JAK3: variants seen among roughly 807,000 people sequenced by gnomAD.
The protein encoded by JAK3 is tyrosine-protein kinase JAK3.
In JAK3, 88 loss-of-function variants were observed where a neutral mutation model predicts 120.8. That is an observed-to-expected ratio of 0.73 (90% CI 0.61 to 0.87). The LOEUF is 0.87. JAK3 is among the 40% of genes least tolerant of loss of function. JAK3 has a pLI of 0.00. For missense variants in JAK3, 1,254 were observed against 1,501.4 expected (o/e 0.84, Z 2.72); for synonymous variants, 592 against 628.6 (o/e 0.94, Z 0.87).
chr19:17,835,858 T>C, intron 14 of JAK3, 66 bp downstream of exon 14: 6 of 1,603,664 alleles, frequency 3.7e-6, no homozygotes, highest in Non-Finnish European at 4.2e-6. Flanking sequence ...CCACTCCCAA[T>C]TCCTCTTCCA....
intron 17 of JAK3, 74 bp downstream of exon 17, chr19:17,834,497 T>C: frequency 6.3e-7 from 1 of 1,579,560 alleles, no homozygotes; most frequent in South Asian, 1.1e-5. Context: ...CGTGGCCTGC[T>C]GCAAACCACG....
In JAK3 at chr19:17,842,751, G is replaced by T; in HGVS notation, c.567-141C>A. The T allele has an allele frequency of 8.2e-6, 8 of 976,480 alleles. No individual in the cohort carries two copies. The highest frequency in any genetic ancestry group is 1.2e-5 in the Non-Finnish European group (8 of 674,322). 60.5% of individuals were successfully genotyped at this position (976,480 alleles called of 1,614,324 possible). A position where few individuals can be genotyped will look rare whatever the true frequency, so the allele number is the denominator to read the frequency against. ...CAGGCACACACAGACTCTCATTCAG[G>T]GTCAGGTATGAGGACCGGACCTCAG... On this transcript the variant is annotated intron_variant, in intron 5 of 23. Coordinates refer to ENST00000458235, the MANE Select transcript of JAK3 (RefSeq NM_000215.4). The surrounding 1 kb of genome is among the most constrained non-coding windows in gnomAD (Gnocchi z 6.4).
chr19:17,830,073 G>T, intron 23 of JAK3, 35 bp downstream of exon 23: 1 of 1,490,916 alleles, frequency 6.7e-7, no homozygotes, highest in Non-Finnish European at 9.2e-7. Flanking sequence ...CCAATCTACA[G>T]ACTGGGAAAC....
At chr19:17,827,439 C>A (rs1270398680) in intron 23 of JAK3, among the ~76,000 whole-genome samples, 1 of 151,692 alleles carries the variant, frequency 6.6e-6, no homozygotes. Context: ...ACCCTGCCTC[C>A]TGGGTTCAAG....
At chr19:17,844,085 G>C (rs1246809474) in intron 2 of JAK3, 149 bp downstream of exon 2, 2 of 1,143,924 alleles carry the variant, frequency 1.7e-6, no homozygotes, top group Non-Finnish European at 2.5e-6. Context: ...AGCCAACCCT[G>C]CACACCCTTC....
Position 17,843,378 on chromosome 19 carries a change from A to G in JAK3, c.420+2T>C. On this transcript the variant is annotated splice_donor_variant, in intron 4 of 23. Coordinates refer to ENST00000458235, the MANE Select transcript of JAK3 (RefSeq NM_000215.4). LOFTEE classifies it high-confidence loss of function. The surrounding 1 kb of genome is among the most constrained non-coding windows in gnomAD (Gnocchi z 5.4). ...TGGGTCAAACCCCAGGCAGAACCCCACCTGGGCAAAGAGGTGCTCCAGGAC... is the reference window on the plus strand; with the variant it reads ...TGGGTCAAACCCCAGGCAGAACCCCGCCTGGGCAAAGAGGTGCTCCAGGAC... The G allele has an allele frequency of 6.3e-7, 1 of 1,581,104 alleles. No homozygotes were observed. The highest frequency in any genetic ancestry group is 8.6e-7 in the Non-Finnish European group (1 of 1,161,626).
Position 17,841,788 on chromosome 19 carries a change from T to G in JAK3, c.862-26A>C, listed in dbSNP as rs2147695765. ...CTGGGAAGGAGGGGGAGTACCGAAG[T>G]GGGGGCCCAGCTGGACCCCGCCAAA... On this transcript the variant is annotated intron_variant, in intron 6 of 23. Coordinates refer to ENST00000458235, the MANE Select transcript of JAK3 (RefSeq NM_000215.4). The surrounding 1 kb of genome is among the most constrained non-coding windows in gnomAD (Gnocchi z 4.1). 6.3e-7 allele frequency: 1 copy of G among 1,599,200 alleles called. No individual in the cohort carries two copies. Among genetic ancestry groups the G allele is most frequent in the Non-Finnish European group, 8.5e-7 (1 of 1,179,510 alleles).
rs2094201287 is a variant in JAK3 at position 17,824,837 on chromosome 19, C to T, written c.*1906G>A. The stretch of plus-strand genomic sequence containing the variant: ...AAACATTTCCAGAGCCCCCTCTGTA[C>T]TGAGGCCTCAGCCCAGCCCCCAAGG... On this transcript the variant is annotated 3_prime_UTR_variant, in exon 24 of 24. Transcript: ENST00000458235. 1.5e-5 allele frequency: 3 copies of T among 205,770 alleles called. No individual in the cohort carries two copies. Among genetic ancestry groups the T allele is most frequent in the South Asian group, 1.9e-4 (1 of 5,316 alleles). The allele number at this position is 205,770 out of a possible 1,614,324, so 12.7% of individuals were successfully genotyped here.
rs200641855 is a variant in JAK3, at chr19:17,835,205, C to G, written c.1925G>C (p.Gly642Ala). 7.4e-6 allele frequency: 12 copies of G among 1,613,946 alleles called. No individual in the cohort carries two copies. Among genetic ancestry groups the G allele is most frequent in the East Asian group, 2.2e-5 (1 of 44,884 alleles). ...AYALNYLEDK[G>A]LPHGNVSARK... ...GGCAGAGACATTGCCATGGGGCAGG[C>G]CTTTGTCCTCCTAAGGGGGCCAGAC... Residue 642 changes from glycine to alanine, a missense_variant, in exon 15 of 24, where the codon GGC (glycine) becomes GCC (alanine). Physicochemically the swap from Gly to Ala is moderately conservative, Grantham distance 60 (BLOSUM62 0). Coordinates refer to ENST00000458235, the MANE Select transcript of JAK3 (RefSeq NM_000215.4).
Position 17,842,411 on chromosome 19 carries a change from C to T in JAK3, c.766G>A (p.Val256Met). The T allele has an allele frequency of 1.3e-6, 2 of 1,585,634 alleles. No homozygotes were observed. Among genetic ancestry groups the T allele is most frequent in the Non-Finnish European group, 1.7e-6 (2 of 1,168,878 alleles). Reference protein sequence around the residue: ...DPAGAAETFHVGLPGALGGHD... With the variant: ...DPAGAAETFHMGLPGALGGHD... Reference sequence around the variant, plus strand: ...CCACCAAGGGCCCCAGGGAGGCCCACGTGGAAGGTCTCGGCGGCCCCGGCT... The same window carrying T: ...CCACCAAGGGCCCCAGGGAGGCCCATGTGGAAGGTCTCGGCGGCCCCGGCT... Residue 256 changes from valine to methionine, a missense_variant, in exon 6 of 24, where the codon GTG (valine) becomes ATG (methionine). By Grantham distance (21) the Val-to-Met change is conservative (BLOSUM62 1). Coordinates refer to ENST00000458235, the MANE Select transcript of JAK3 (RefSeq NM_000215.4). This position sits in a 1 kb window ranked among gnomAD's most constrained non-coding sequence, Gnocchi z 6.4.
In JAK3 at chr19:17,831,665, C is replaced by T; in HGVS notation, c.2805+9G>A. 6.2e-7 allele frequency: 1 copy of T among 1,604,760 alleles called. No homozygotes were observed. Among genetic ancestry groups the T allele is most frequent in the Non-Finnish European group, 8.5e-7 (1 of 1,176,638 alleles). ...GAATCCCCACAAGTCCCGGGGCGCC[C>T]CCTCGCACCTTGCAGATCTGCGAGG... On this transcript the variant is annotated intron_variant, in intron 20 of 23. Transcript: ENST00000458235. This position sits in a 1 kb window ranked among gnomAD's most constrained non-coding sequence, Gnocchi z 5.1.
chr19:17,838,415 A>G, intron 10 of JAK3, 25 bp from the exon 11 acceptor site: 1 of 1,614,094 alleles, frequency 6.2e-7, no homozygotes, highest in East Asian at 2.2e-5. Context: ...TGAGGGAGAA[A>G]AACCAGAAAT....
Position 17,832,370 on chromosome 19 carries a change from T to C in JAK3, c.2680+149A>G. 1 of 808,368 alleles carries C rather than the reference T, an allele frequency of 1.2e-6. No individual in the cohort carries two copies. Among genetic ancestry groups the C allele is most frequent in the Non-Finnish European group, 2.1e-6 (1 of 473,632 alleles). The allele number at this position is 808,368 out of a possible 1,614,324, so 50.1% of individuals were successfully genotyped here. On this transcript the variant is annotated intron_variant, in intron 19 of 23. Coordinates refer to ENST00000458235, the MANE Select transcript of JAK3 (RefSeq NM_000215.4). The surrounding 1 kb of genome is among the most constrained non-coding windows in gnomAD (Gnocchi z 4.7). ...TTAAGGTTTCACAACTGGTAAGGGG[T>C]AGAGTCAGGATTCAAACCTGTAACC...
chr19:17,842,981 G>T lies in JAK3; in HGVS notation c.566+46C>A. 6.2e-7 allele frequency: 1 copy of T among 1,605,070 alleles called. No individual in the cohort carries two copies. ...GCAAAGCCCCGATGGAGCCCACGTT[G>T]CTCACTCCCAAGCAGAGGCCGTCCC... On this transcript the variant is annotated intron_variant, in intron 5 of 23. Coordinates refer to ENST00000458235, the MANE Select transcript of JAK3 (RefSeq NM_000215.4). The surrounding 1 kb of genome is among the most constrained non-coding windows in gnomAD (Gnocchi z 6.4).
Position 17,830,180 on chromosome 19 carries a change from G to A in JAK3, c.3135C>T (p.Pro1045=), listed in dbSNP as rs966102873. ...GCAGTTCCAAGAGGCGGCAGAGGGCGGGGACATCCCGCTCACATCCCATCA... is the reference window on the plus strand; with the variant it reads ...GCAGTTCCAAGAGGCGGCAGAGGGCAGGGACATCCCGCTCACATCCCATCA... ...LRMMGCERDV[P]ALCRLLELLE... is the part of the protein sequence containing the mutation. Residue 1045 remains proline (P), a synonymous_variant, in exon 23 of 24, where the codon CCC becomes CCT. Transcript: ENST00000458235. The A allele has an allele frequency of 3.1e-6, 5 of 1,593,302 alleles. No homozygotes were observed. Among genetic ancestry groups the A allele is most frequent in the African/African-American group, 1.3e-5 (1 of 74,502 alleles).
chr19:17,829,711 A>C (rs1395526555), intron 23 of JAK3: 1 of 339,756 alleles, frequency 2.9e-6, no homozygotes, highest in African/African-American at 2.1e-5. Flanking sequence ...AGTGAGCTAT[A>C]ATTGCACCCC....
At chr19:17,844,502 G>A (rs1275593664) in intron 1 of JAK3, 72 bp from the exon 2 acceptor site, 4 of 1,402,306 alleles carry the variant, frequency 2.9e-6, no homozygotes. Flanking sequence ...GGAGGGCATG[G>A]AAAGGAGTGC....
Position 17,842,994 on chromosome 19 carries a change from C to T in JAK3, c.566+33G>A. The T allele has an allele frequency of 1.2e-6, 2 of 1,607,474 alleles. No homozygotes were observed. The highest frequency in any genetic ancestry group is 2.2e-5 in the East Asian group (1 of 44,874). ...GGAGCCCACGTTGCTCACTCCCAAGCAGAGGCCGTCCCCACAGCCTGGTGG... is the reference window on the plus strand; with the variant it reads ...GGAGCCCACGTTGCTCACTCCCAAGTAGAGGCCGTCCCCACAGCCTGGTGG... On this transcript the variant is annotated intron_variant, in intron 5 of 23. Transcript: ENST00000458235. This position sits in a 1 kb window ranked among gnomAD's most constrained non-coding sequence, Gnocchi z 6.4.
At position 17,841,891 on chromosome 19, in the gene JAK3, C is replaced by T; in HGVS notation, c.862-129G>A. 7.6e-7 allele frequency: 1 copy of T among 1,313,578 alleles called. No homozygotes were observed. The highest frequency in any genetic ancestry group is 1.1e-6 in the Non-Finnish European group (1 of 951,308). The allele number at this position is 1,313,578 out of a possible 1,614,324, so 81.4% of individuals were successfully genotyped here. A position where few individuals can be genotyped will look rare whatever the true frequency, so the allele number is the denominator to read the frequency against. Reference sequence around the variant, plus strand: ...CCATTCAACCCTTCCAAGCCGCGCCCCCTCCTATCAACTCCAACCTCTCAA... The same window carrying T: ...CCATTCAACCCTTCCAAGCCGCGCCTCCTCCTATCAACTCCAACCTCTCAA... On this transcript the variant is annotated intron_variant, in intron 6 of 23. Transcript: ENST00000458235. The surrounding 1 kb of genome is among the most constrained non-coding windows in gnomAD (Gnocchi z 4.1).
Sources: allele counts gnomAD v4.1 joint callset (sites outside exome capture counted in the v4.1 genomes callset), GRCh38; gene constraint gnomAD v4.1.1; non-coding constraint Gnocchi (gnomAD v3.1); transcripts MANE v1.5; gene names NCBI Gene and HGNC (gene_info 2026-07-23, HGNC 2026-07-21).